SP2: variants seen among roughly 807,000 people sequenced by gnomAD.
SP2 encodes Sp2 transcription factor, also known as transcription factor Sp2.
In SP2, 9 loss-of-function variants were observed where a neutral mutation model predicts 50.1. The ratio of observed to expected loss-of-function variants is 0.18; its 90% CI spans 0.11 to 0.31. The LOEUF is 0.31. Ranked by LOEUF, SP2 falls within the 10% of genes least tolerant of loss-of-function variation. The probability of loss-of-function intolerance (pLI) is 1.00; values close to 1 mark genes in which losing one functional copy is unlikely to be tolerated. For missense variants in SP2, 581 were observed against 806.5 expected, an observed-to-expected ratio of 0.72 and a Z score of 3.39; for synonymous variants, 313 against 326.6, an observed-to-expected ratio of 0.96 and a Z score of 0.45.
intron 1 of SP2, among the ~76,000 whole-genome samples, chr17:47,913,913 T>C (rs895441073): frequency 1.3e-5 from 2 of 152,234 alleles, no homozygotes; most frequent in African/African-American, 4.8e-5. Flanking sequence ...CCTATTTGAT[T>C]ATATTCATAT....
chr17:47,907,104 T>C (rs1019951484), intron 1 of SP2, among the ~76,000 whole-genome samples: 3 of 151,976 alleles, frequency 2.0e-5, no homozygotes, highest in Admixed American at 1.3e-4. Flanking sequence ...GCTGGTGACC[T>C]GGGCAGGTGC....
intron 1 of SP2, among the ~76,000 whole-genome samples, chr17:47,903,052 A>G (rs1471015843): frequency 4.6e-5 from 7 of 152,054 alleles, no homozygotes. Flanking sequence ...CACAGCGCCC[A>G]GCTGGGGCTA....
chr17:47,896,430 A>C (rs1382890428), intron 1 of SP2, 137 bp downstream of exon 1: 8 of 417,134 alleles, frequency 1.9e-5, no homozygotes, highest in Non-Finnish European at 2.1e-5. Context: ...CGGCTTCAGG[A>C]GGGGCGGGGG....
In SP2 at chr17:47,923,156, C is replaced by A; in HGVS notation, c.1254C>A (p.Ala418=). 1.2e-6 allele frequency: 2 copies of A among 1,614,228 alleles called. No homozygotes were observed. The highest frequency in any genetic ancestry group is 1.7e-6 in the Non-Finnish European group (2 of 1,180,042). Residue 418 remains alanine, a synonymous_variant, in exon 4 of 7, where the codon GCC becomes GCA. Transcript: ENST00000376741. ...GTCCCCTGCCAAAGATTGCCCCAGC[C>A]GGGAGCATCATCAGCCTGAATGCAG... ...KERPLPKIAP[A]GSIISLNAAQ... is the part of the protein sequence containing the mutation.
At chr17:47,931,286 G>A (rs186460070), downstream of SP2, among the ~76,000 whole-genome samples, 7 of 152,324 alleles carry the variant, frequency 4.6e-5, no homozygotes, top group Non-Finnish European at 1.0e-4. Flanking sequence ...GGCAGAGGTT[G>A]CAGTGAGCCG....
chr17:47,900,933 T>G (rs951081881), intron 1 of SP2, among the ~76,000 whole-genome samples: 1 of 152,178 alleles, frequency 6.6e-6, no homozygotes, highest in Non-Finnish European at 1.5e-5. Flanking sequence ...CCAGTATTCT[T>G]TGACAAAAAA....
intron 2 of SP2, 98 bp downstream of exon 2, chr17:47,915,486 G>C (rs1257278193): frequency 1.4e-6 from 1 of 720,784 alleles, no homozygotes; most frequent in African/African-American, 1.8e-5. Flanking sequence ...AAATACCCTA[G>C]GTTATGAGAC....
intron 3 of SP2, among the ~76,000 whole-genome samples, chr17:47,919,467 G>A (rs1348403415): frequency 6.6e-6 from 1 of 152,022 alleles, no homozygotes; most frequent in African/African-American, 2.4e-5. Flanking sequence ...TAAGTGAGAA[G>A]AAGCACAGTC....
downstream of SP2, among the ~76,000 whole-genome samples, chr17:47,931,407 A>G (rs1306209008): frequency 2.0e-5 from 3 of 152,142 alleles, no homozygotes; most frequent in Admixed American, 1.3e-4. Context: ...TTGTTTGATG[A>G]CAGTGCTGAT....
chr17:47,911,656 A>T (rs1258004820), intron 1 of SP2, among the ~76,000 whole-genome samples: 7 of 152,190 alleles, frequency 4.6e-5, no homozygotes, highest in Admixed American at 2.6e-4. Context: ...AATACAAAAA[A>T]TTAGCCGGGC....
At chr17:47,925,318 C>A in intron 5 of SP2, 30 bp from the exon 6 acceptor site, 1 of 1,591,314 alleles carries the variant, frequency 6.3e-7, no homozygotes, top group Non-Finnish European at 8.6e-7. Context: ...CTTCCTATTC[C>A]CTCCACTCCA....
At chr17:47,920,585 C>A (rs1210122199) in intron 3 of SP2, among the ~76,000 whole-genome samples, 2 of 152,006 alleles carry the variant, frequency 1.3e-5, no homozygotes, top group Non-Finnish European at 2.9e-5. Context: ...CGCACCCGGC[C>A]AATTTTTGTA....
chr17:47,919,905 T>C (rs2144011580), intron 3 of SP2, among the ~76,000 whole-genome samples: 1 of 141,332 alleles, frequency 7.1e-6, no homozygotes, highest in East Asian at 2.5e-4. Flanking sequence ...GTGGCAATCT[T>C]GGCTCACTGC....
At position 47,922,817 on chromosome 17, in the gene SP2, A is replaced by G. The variant is rs2035510811; in HGVS notation, c.1060-145A>G. The G allele has an allele frequency of 4.4e-6, 3 of 685,008 alleles. No homozygotes were observed. In the South Asian group the frequency reaches 5.5e-5, roughly 12 times the overall value. The allele number at this position is 685,008 out of a possible 1,614,324, so 42.4% of individuals were successfully genotyped here. On this transcript the variant is annotated intron_variant, in intron 3 of 6. Transcript: ENST00000376741. Reference sequence around the variant, plus strand: ...TGCCAGCAGCCATTTGTCGAGCATTAGCTGTGTATAAATGTAGGTTTGGGT... The same window carrying G: ...TGCCAGCAGCCATTTGTCGAGCATTGGCTGTGTATAAATGTAGGTTTGGGT...
At chr17:47,896,501 G>A (rs973777153) in intron 1 of SP2, among the ~76,000 whole-genome samples, 6 of 152,088 alleles carry the variant, frequency 3.9e-5, no homozygotes, top group Non-Finnish European at 7.4e-5. Flanking sequence ...GCACCCGGAA[G>A]GGGGCGTTCG....
chr17:47,905,654 T>G (rs908940015), intron 1 of SP2, among the ~76,000 whole-genome samples: 3 of 152,174 alleles, frequency 2.0e-5, no homozygotes, highest in Non-Finnish European at 4.4e-5. Flanking sequence ...TCTCTTCCTG[T>G]TACGTGCTCT....
chr17:47,903,559 T>A (rs970960046), intron 1 of SP2, among the ~76,000 whole-genome samples: 2 of 151,742 alleles, frequency 1.3e-5, no homozygotes, highest in Admixed American at 1.3e-4. Context: ...CCCAGCTACC[T>A]GGGAGGCTGA....
chr17:47,926,874 C>A (rs764749511), intron 6 of SP2, among the ~76,000 whole-genome samples: 4 of 152,234 alleles, frequency 2.6e-5, no homozygotes, highest in Admixed American at 6.5e-5. Flanking sequence ...TGAGCAGACA[C>A]CTGTCCTGGG....
intron 4 of SP2, 38 bp from the exon 5 acceptor site, chr17:47,924,881 T>G: frequency 1.3e-6 from 2 of 1,532,586 alleles, no homozygotes; most frequent in South Asian, 1.2e-5. Flanking sequence ...GGTTTCAGGC[T>G]TCCTCACCCT....
Sources: allele counts gnomAD v4.1 joint callset (sites outside exome capture counted in the v4.1 genomes callset), GRCh38; gene constraint gnomAD v4.1.1; transcripts MANE v1.5; gene names NCBI Gene and HGNC (gene_info 2026-07-23, HGNC 2026-07-21).